Variants in TCEA3 observed in about 807,000 individuals in gnomAD.
TCEA3 encodes transcription elongation factor A3.
In TCEA3, 36 loss-of-function variants were observed where a neutral mutation model predicts 44.0. That is an observed-to-expected ratio of 0.82 (90% CI 0.63 to 1.08). The LOEUF is 1.08. TCEA3 is among the 50% of genes least tolerant of loss of function. The pLI, the probability that TCEA3 is intolerant of heterozygous loss-of-function variation, is 0.00. For missense variants in TCEA3, 392 were observed against 441.2 expected, an observed-to-expected ratio of 0.89 and a Z score of 1.00; for synonymous variants, 162 against 159.7, an observed-to-expected ratio of 1.01 and a Z score of -0.11.
At chr1:23,397,473 G>C in intron 7 of TCEA3, 72 bp downstream of exon 7, 1 of 1,437,294 alleles carries the variant, frequency 7.0e-7, no homozygotes, top group African/African-American at 1.4e-5. Flanking sequence ...CACTCTCCCA[G>C]CTCGCTTGCA....
chr1:23,408,554 G>A (rs1639618725), intron 5 of TCEA3, 110 bp downstream of exon 5: 1 of 1,114,254 alleles, frequency 9.0e-7, no homozygotes, highest in African/African-American at 1.6e-5. Flanking sequence ...TAATGTAGGA[G>A]GTTTCTTCCT....
At chr1:23,424,511 G>T in intron 1 of TCEA3, 54 bp downstream of exon 1, 1 of 1,527,918 alleles carries the variant, frequency 6.5e-7, no homozygotes, top group Non-Finnish European at 9.0e-7. Flanking sequence ...GGAATCCGGG[G>T]CTTGCCCGCG....
chr1:23,404,026 C>T (rs1055998774), intron 5 of TCEA3: 6 of 675,162 alleles, frequency 8.9e-6, no homozygotes, highest in Admixed American at 2.1e-5. Context: ...TTCTGCTCCC[C>T]GGATGTGCCC....
chr1:23,404,460 T>C (rs1362957217), intron 5 of TCEA3, among the ~76,000 whole-genome samples: 1 of 152,134 alleles, frequency 6.6e-6, no homozygotes, highest in African/African-American at 2.4e-5. Context: ...ATGCTTCCTA[T>C]GTTCCCACGG....
In TCEA3 at chr1:23,422,114, G is replaced by A. The variant is rs761268029; in HGVS notation, c.69+2451C>T. ...TGTCTATTTGGCTTTGTGGGATGAC[G>A]CCTGTGTTATAAGATCTGAATGTAT... On this transcript the variant is annotated intron_variant, in intron 1 of 10. Transcript: ENST00000450454. 6.6e-5 allele frequency among the ~76,000 whole-genome samples: 10 copies of A among 152,308 alleles called. No homozygotes were observed. In the South Asian group the frequency reaches 1.0e-3, roughly 16 times the overall value.
At chr1:23,404,242 C>A (rs1365358980) in intron 5 of TCEA3, 1 of 696,604 alleles carries the variant, frequency 1.4e-6, no homozygotes, top group African/African-American at 1.8e-5. Flanking sequence ...ACATGGTATC[C>A]TCCGTGGTCT....
intron 10 of TCEA3, among the ~76,000 whole-genome samples, chr1:23,382,817 C>G (rs914868268): frequency 1.2e-4 from 18 of 152,204 alleles, no homozygotes; most frequent in African/African-American, 3.4e-4. Flanking sequence ...AGGATTTGAG[C>G]CTGATGCCAA....
intron 1 of TCEA3, among the ~76,000 whole-genome samples, chr1:23,422,948 C>G (rs1640109141): frequency 6.6e-6 from 1 of 152,212 alleles, no homozygotes. Flanking sequence ...CCCACCCTAC[C>G]CCTCTTACCC....
intron 6 of TCEA3, 32 bp from the exon 7 acceptor site, chr1:23,397,633 C>A: frequency 6.2e-7 from 1 of 1,610,914 alleles, no homozygotes; most frequent in Non-Finnish European, 8.5e-7. Context: ...CAGGTATCAG[C>A]CAGACACAAC....
intron 8 of TCEA3, among the ~76,000 whole-genome samples, chr1:23,391,284 T>G (rs1376562900): frequency 6.6e-6 from 1 of 151,706 alleles, no homozygotes; most frequent in Non-Finnish European, 1.5e-5. Context: ...GGCTAATTTT[T>G]GTATTTTTAG....
intron 1 of TCEA3, among the ~76,000 whole-genome samples, chr1:23,420,533 C>T (rs1398984106): frequency 6.6e-6 from 1 of 152,206 alleles, no homozygotes; most frequent in Non-Finnish European, 1.5e-5. Flanking sequence ...CGTGAGCCAC[C>T]ACACCCAGTC....
In TCEA3 at chr1:23,393,981, G is replaced by T. The variant is rs1188294537; in HGVS notation, c.717C>A (p.Arg239=). The part of the protein sequence containing the change: ...STDMKYRNRV[R]SRISNLKDPR... Reference sequence around the variant, plus strand: ...GGTCCTTGAGGTTGCTTATGCGGCTGCGCACGCGGTTCCGGTACTTCATGT... The same window carrying T: ...GGTCCTTGAGGTTGCTTATGCGGCTTCGCACGCGGTTCCGGTACTTCATGT... Residue 239 remains arginine (R), a synonymous_variant, in exon 8 of 11, where the codon CGC becomes CGA. Transcript: ENST00000450454. The T allele has an allele frequency of 6.2e-7, 1 of 1,614,056 alleles. No individual in the cohort carries two copies. Among genetic ancestry groups the T allele is most frequent in the Non-Finnish European group, 8.5e-7 (1 of 1,179,902 alleles).
In TCEA3 at chr1:23,385,846, G is replaced by T. The variant is rs760250009; in HGVS notation, c.966+1427C>A. Among the ~76,000 whole-genome samples, 9 of 152,202 alleles carry T rather than the reference G, an allele frequency of 5.9e-5. 1 individual carries two copies. Among genetic ancestry groups the T allele is most frequent in the Non-Finnish European group, 1.2e-4 (8 of 68,034 alleles). ...TAGGCTTTATTGACCAAGTTAGCTG[G>T]ATTGCAGGCAGAATGGTGTGGATCT... On this transcript the variant is annotated intron_variant, in intron 9 of 10. Transcript: ENST00000450454.
chr1:23,412,786 G>A (rs1013530215), intron 4 of TCEA3, among the ~76,000 whole-genome samples: 1 of 152,302 alleles, frequency 6.6e-6, no homozygotes, highest in Admixed American at 6.5e-5. Context: ...TGGGAGAGGA[G>A]AGGAAGAAAA....
intron 7 of TCEA3, among the ~76,000 whole-genome samples, chr1:23,396,770 A>AGGTG (rs1306405922): frequency 6.6e-6 from 1 of 152,096 alleles, no homozygotes. Flanking sequence ...TGGGATGCAA[A>AGGTG]GGTGGGTGGT....
chr1:23,396,667 T>C (rs569087694), intron 7 of TCEA3, among the ~76,000 whole-genome samples: 2 of 152,110 alleles, frequency 1.3e-5, no homozygotes, highest in African/African-American at 4.8e-5. Context: ...GAAGTGTCAA[T>C]TGGCCATTGC....
In TCEA3 at chr1:23,419,070, GC is replaced by G. The variant is rs779647431; in HGVS notation, c.132+6del. The stretch of plus-strand genomic sequence containing the variant: ...CACTGTCCCAAGGCTTCCCACCCCC[GC>G]CCCACCTGTAGTAGCTGGATGGACA... On this transcript the variant is annotated splice_donor_region_variant and intron_variant, in intron 2 of 10. Transcript: ENST00000450454. 48 of 472,910 alleles carry G rather than the reference GC, an allele frequency of 1.0e-4. No homozygotes were observed. The highest frequency in any genetic ancestry group is 1.4e-4 in the Non-Finnish European group (46 of 339,708). 29.3% of individuals were successfully genotyped at this position (472,910 alleles called of 1,614,324 possible). A position where few individuals can be genotyped will look rare whatever the true frequency, so the allele number is the denominator to read the frequency against.
At chr1:23,387,766 T>G (rs1396563544) in intron 8 of TCEA3, among the ~76,000 whole-genome samples, 6 of 152,202 alleles carry the variant, frequency 3.9e-5, no homozygotes, top group Non-Finnish European at 5.9e-5. Flanking sequence ...TGAGCTGACT[T>G]GATCACTGCC....
chr1:23,381,247 A>G lies in TCEA3; in HGVS notation c.*219T>C, dbSNP rs1441346545. On this transcript the variant is annotated 3_prime_UTR_variant, in exon 11 of 11. Transcript: ENST00000450454. ...GTTTCTAAAAGAGGTTCATCAATAC[A>G]AATTCTCAGCATCATTCTCCAATTA... The G allele has an allele frequency of 3.4e-6, 2 of 583,262 alleles. No homozygotes were observed. The highest frequency in any genetic ancestry group is 6.2e-6 in the Non-Finnish European group (2 of 323,320). 36.1% of individuals were successfully genotyped at this position (583,262 alleles called of 1,614,324 possible).
Sources: gnomAD v4.1 joint callset for allele counts (sites outside exome capture counted in the v4.1 genomes callset) on GRCh38, gnomAD v4.1.1 for gene constraint, MANE v1.5 for transcripts, NCBI Gene and HGNC (gene_info 2026-07-23, HGNC 2026-07-21) for gene names.